The following COL24A1 variants were observed in gnomAD, a reference collection of about 807,000 sequenced individuals.
COL24A1 encodes collagen alpha-1(XXIV) chain.
In COL24A1, 224 loss-of-function variants were observed where a neutral mutation model predicts 253.9. The ratio of observed to expected loss-of-function variants is 0.88; its 90% CI spans 0.79 to 0.99. The LOEUF (loss-of-function observed/expected upper bound fraction) is 0.99, where lower values mean the gene tolerates loss of function less well. Ranked by LOEUF, COL24A1 falls within the 50% of genes least tolerant of loss-of-function variation. COL24A1 has a pLI of 0.00. For missense variants in COL24A1, 2,131 were observed against 2,068.5 expected, an observed-to-expected ratio of 1.03 and a Z score of -0.59; for synonymous variants, 685 against 673.7, an observed-to-expected ratio of 1.02 and a Z score of -0.26.
intron 19 of COL24A1, among the ~76,000 whole-genome samples, chr1:86,008,430 A>G (rs1440839370): frequency 6.6e-6 from 1 of 152,078 alleles, no homozygotes; most frequent in Non-Finnish European, 1.5e-5. Flanking sequence ...TCTTTTTTGT[A>G]GAGATGGTGT....
Position 86,125,200 on chromosome 1 carries a change from T to G in COL24A1, c.1136A>C (p.Gln379Pro). The G allele has an allele frequency of 6.2e-7, 1 of 1,613,570 alleles. No homozygotes were observed. Among genetic ancestry groups the G allele is most frequent in the South Asian group, 1.1e-5 (1 of 91,066 alleles). ...CAGACCAGTTACTCTATCATCATGTTGTGTGATATTGTCAGACATGTTTAG... is the reference window on the plus strand; with the variant it reads ...CAGACCAGTTACTCTATCATCATGTGGTGTGATATTGTCAGACATGTTTAG... ...SLLNMSDNIT[Q>P]HDDRVTGLSL... is the part of the protein sequence containing the mutation. Residue 379 changes from glutamine to proline, a missense_variant, in exon 3 of 60, where the codon CAA (glutamine) becomes CCA (proline). Physicochemically the swap from Gln to Pro is moderately conservative, Grantham distance 76 (BLOSUM62 -1). Transcript: ENST00000370571.
At chr1:85,846,835 A>G (rs1329192451) in intron 39 of COL24A1, among the ~76,000 whole-genome samples, 1 of 152,066 alleles carries the variant, frequency 6.6e-6, no homozygotes, top group African/African-American at 2.4e-5. Flanking sequence ...AATGAAAGAA[A>G]GTAAGAAAGG....
chr1:85,773,563 T>C (rs1668211307), intron 53 of COL24A1, among the ~76,000 whole-genome samples: 1 of 152,238 alleles, frequency 6.6e-6, no homozygotes. Flanking sequence ...TGGTTTGTAG[T>C]TCTCCTTGAA....
chr1:85,847,606 T>A (rs1677266843), intron 39 of COL24A1, 59 bp downstream of exon 39: 1 of 1,211,242 alleles, frequency 8.3e-7, no homozygotes, highest in East Asian at 2.3e-5. Flanking sequence ...TTTAAGGGCA[T>A]GGATACGTTT....
chr1:86,145,699 C>T (rs1651779747), intron 2 of COL24A1, among the ~76,000 whole-genome samples: 2 of 151,842 alleles, frequency 1.3e-5, no homozygotes, highest in Admixed American at 1.3e-4. Flanking sequence ...ATCCTAAGCC[C>T]ACTAGTATGC....
At chr1:86,067,568 T>C (rs1405173897) in intron 7 of COL24A1, among the ~76,000 whole-genome samples, 1 of 152,220 alleles carries the variant, frequency 6.6e-6, no homozygotes, top group Non-Finnish European at 1.5e-5. Context: ...ATAGATTCTA[T>C]GTATTTAATA....
chr1:85,828,941 T>G (rs1021739904), intron 43 of COL24A1, among the ~76,000 whole-genome samples: 3 of 149,896 alleles, frequency 2.0e-5, no homozygotes, highest in African/African-American at 7.3e-5. Flanking sequence ...TTAATATTGT[T>G]ATGTGTGAAT....
intron 31 of COL24A1, among the ~76,000 whole-genome samples, chr1:85,892,824 C>T (rs1448283301): frequency 6.6e-6 from 1 of 151,860 alleles, no homozygotes; most frequent in African/African-American, 2.4e-5. Context: ...AGTTTGCTGT[C>T]CCTTGACCTA....
At chr1:85,849,276 A>G (rs1463895601) in intron 38 of COL24A1, 77 bp downstream of exon 38, 14 of 1,033,472 alleles carry the variant, frequency 1.4e-5, no homozygotes, top group Non-Finnish European at 2.0e-5. Flanking sequence ...GTCCAAATTA[A>G]AAACATTACA....
intron 47 of COL24A1, among the ~76,000 whole-genome samples, chr1:85,813,076 A>AAG (rs1227615817): frequency 1.3e-5 from 2 of 152,260 alleles, no homozygotes; most frequent in South Asian, 2.1e-4. Context: ...TATATGTCAG[A>AAG]AGAGAGAGAG....
chr1:86,053,951 T>G (rs1700497207), intron 10 of COL24A1, among the ~76,000 whole-genome samples: 1 of 152,102 alleles, frequency 6.6e-6, no homozygotes, highest in Non-Finnish European at 1.5e-5. Context: ...TTTAACTAGA[T>G]TTTAAGTTAA....
At chr1:86,031,713 G>A (rs1009916063) in intron 14 of COL24A1, among the ~76,000 whole-genome samples, 165 bp downstream of exon 14, 1 of 150,460 alleles carries the variant, frequency 6.6e-6, no homozygotes, top group Non-Finnish European at 1.5e-5. Context: ...TATACTACTG[G>A]TCTAATTATT....
rs1305519520 is a variant in COL24A1, at chr1:85,730,319, G to A, written c.*227C>T. The A allele has an allele frequency of 2.8e-6, 1 of 353,352 alleles. No individual in the cohort carries two copies. The highest frequency in any genetic ancestry group is 5.1e-6 in the Non-Finnish European group (1 of 196,568). The allele number at this position is 353,352 out of a possible 1,614,324, so 21.9% of individuals were successfully genotyped here. ...TAGTTCTAGGGAATTCTCTAAGAAA[G>A]CTGAGATGAATATAATTTTTAAAAG... On this transcript the variant is annotated 3_prime_UTR_variant, in exon 60 of 60. Transcript: ENST00000370571.
intron 24 of COL24A1, among the ~76,000 whole-genome samples, chr1:85,921,753 T>A (rs1558661207): frequency 6.6e-6 from 1 of 152,146 alleles, no homozygotes; most frequent in Admixed American, 6.5e-5. Flanking sequence ...ACAGAGTGCC[T>A]CTTCCCCTCC....
intron 57 of COL24A1, among the ~76,000 whole-genome samples, chr1:85,740,177 G>A (rs538371400): frequency 6.6e-6 from 1 of 152,268 alleles, no homozygotes; most frequent in South Asian, 2.1e-4. Flanking sequence ...AGAAAAAAGT[G>A]GTAGGAGAAA....
intron 47 of COL24A1, among the ~76,000 whole-genome samples, chr1:85,788,944 T>C (rs1570621069): frequency 6.6e-6 from 1 of 152,210 alleles, no homozygotes; most frequent in Non-Finnish European, 1.5e-5. Context: ...ATCAGTACCA[T>C]GCTGCTTTGG....
At chr1:85,945,723 C>T (rs1232042472) in intron 24 of COL24A1, among the ~76,000 whole-genome samples, 3 of 150,406 alleles carry the variant, frequency 2.0e-5, no homozygotes, top group African/African-American at 4.9e-5. Flanking sequence ...GATGAAGGGA[C>T]CCACCTTCAG....
intron 8 of COL24A1, among the ~76,000 whole-genome samples, chr1:86,059,694 T>C (rs1166927406): frequency 6.6e-6 from 1 of 152,132 alleles, no homozygotes; most frequent in East Asian, 1.9e-4. Flanking sequence ...ATGGGTCTGA[T>C]CCAGTAAATT....
In COL24A1 at chr1:86,125,536, T is replaced by C. The variant is rs376018448; in HGVS notation, c.800A>G (p.His267Arg). The change falls in exon 3 of 60, where the codon CAC becomes CGC. Residue 267 changes from histidine to arginine, a missense_variant. By Grantham distance (29) the His-to-Arg change is conservative. Transcript: ENST00000370571. ...AGCAAATAGTTTGGGCGGGGGAGAG[T>C]GTTCCGGTATCTTTGTTGGTATGAG... ...TTLIPTKIPE[H>R]SPPPKLFAEK... 219 of 1,613,200 alleles carry C rather than the reference T, an allele frequency of 1.4e-4. No individual in the cohort carries two copies. Among genetic ancestry groups the C allele is most frequent in the Non-Finnish European group, 1.8e-4 (214 of 1,179,694 alleles).
Sources: gnomAD v4.1 joint callset for allele counts (sites outside exome capture counted in the v4.1 genomes callset) on GRCh38, gnomAD v4.1.1 for gene constraint, MANE v1.5 for transcripts, NCBI Gene and HGNC (gene_info 2026-07-23, HGNC 2026-07-21) for gene names.